The following ZDHHC19 variants were observed in gnomAD, a reference collection of about 807,000 sequenced individuals.
The protein encoded by ZDHHC19 is palmitoyltransferase ZDHHC19.
In ZDHHC19, 30 loss-of-function variants were observed where a neutral mutation model predicts 33.9. The ratio of observed to expected loss-of-function variants is 0.88; its 90% CI spans 0.66 to 1.20. The LOEUF (loss-of-function observed/expected upper bound fraction) is 1.20, where lower values mean the gene tolerates loss of function less well. ZDHHC19 is among the 50% of genes most tolerant of loss of function. The pLI, the probability that ZDHHC19 is intolerant of heterozygous loss-of-function variation, is 0.00. For synonymous variants in ZDHHC19, 178 were observed against 167.6 expected, an observed-to-expected ratio of 1.06 and a Z score of -0.48; for missense variants, 364 against 401.1, an observed-to-expected ratio of 0.91 and a Z score of 0.79.
intron 5 of ZDHHC19, among the ~76,000 whole-genome samples, chr3:196,206,659 T>TTTTTC (rs1262850828): frequency 3.6e-4 from 53 of 146,852 alleles, no homozygotes; most frequent in South Asian, 2.8e-3. Context: ...AGCTTGGAAC[T>TTTTTC]TTTTCTTTTC....
Position 196,198,400 on chromosome 3 carries a change from T to C in ZDHHC19, c.825A>G (p.Thr275=). The C allele has an allele frequency of 6.5e-7, 1 of 1,544,188 alleles. No homozygotes were observed. The highest frequency in any genetic ancestry group is 2.3e-5 in the East Asian group (1 of 44,186). Residue 275 remains threonine, a synonymous_variant, in exon 7 of 8, where the codon ACA becomes ACG. Coordinates refer to ENST00000296326, the MANE Select transcript of ZDHHC19 (RefSeq NM_001039617.2). ...TTGGAGGGTGCAGATTCGGCATGGA[T>C]GTCCAGTCAGGCCCCACCACTCTCT... ...QLQRVVGPDW[T]SMPNLHPPMS...
At chr3:196,208,304 G>GC in intron 4 of ZDHHC19, 84 bp downstream of exon 4, 182 of 1,294,122 alleles carry the variant, frequency 1.4e-4, no homozygotes, top group Middle Eastern at 3.1e-4. Context: ...TCTCCCTCTA[G>GC]CCCCGCCCCC....
At position 196,209,530 on chromosome 3, in the gene ZDHHC19, G is replaced by A. The variant is rs1265616101; in HGVS notation, c.269-15C>T. On this transcript the variant is annotated splice_polypyrimidine_tract_variant and intron_variant, in intron 2 of 7. Transcript: ENST00000296326. Reference sequence around the variant, plus strand: ...CTCAGCGGAGCCTGGCGTGGGAAGAGGATTGGGCACAGCAGAAGGCCCTGC... The same window carrying A: ...CTCAGCGGAGCCTGGCGTGGGAAGAAGATTGGGCACAGCAGAAGGCCCTGC... The A allele has an allele frequency of 2.5e-6, 4 of 1,611,732 alleles. No individual in the cohort carries two copies. Among genetic ancestry groups the A allele is most frequent in the South Asian group, 2.2e-5 (2 of 90,716 alleles).
In ZDHHC19 at chr3:196,198,306, C is replaced by T. The variant is rs74579410; in HGVS notation, c.919G>A (p.Gly307Arg). The T allele has an allele frequency of 6.0e-3, 9,058 of 1,504,116 alleles. 380 individuals are homozygous for T. The South Asian group carries it at 0.084, about 14-fold the overall frequency. 93.2% of individuals were successfully genotyped at this position (1,504,116 alleles called of 1,614,324 possible). The change falls in exon 7 of 8, where the codon GGG (glycine) becomes AGG (arginine). Residue 307 changes from glycine (G) to arginine (R), a missense_variant. Gly to Arg is a moderately radical substitution (Grantham distance 125). Transcript: ENST00000296326. The stretch of plus-strand genomic sequence containing the variant: ...GGAGAGCTGCAGCCTCACCACGCCC[C>T]GGGGGTCCCTTCCCTGCTTTGTAGG... ...GSLQSREGTP[G>R]AW
intron 2 of ZDHHC19, 110 bp from the exon 3 acceptor site, chr3:196,209,625 G>A (rs1401239028): frequency 7.0e-6 from 10 of 1,422,206 alleles, no homozygotes; most frequent in Non-Finnish European, 9.5e-6. Context: ...AAGGTGGGCA[G>A]GGGAACCCCT....
At chr3:196,210,768 AG>A (rs1351496337) in intron 1 of ZDHHC19, 31 bp from the exon 2 acceptor site, 3 of 1,607,346 alleles carry the variant, frequency 1.9e-6, no homozygotes, top group Non-Finnish European at 2.5e-6. Flanking sequence ...GGTCCTGAGC[AG>A]GGGCAGCCCA....
In ZDHHC19 at chr3:196,207,491, G is replaced by A. The variant is rs778971175; in HGVS notation, c.594C>T (p.Ala198=). ...STDKAIAIVV[A]VSAAGLLVPL... ...GCACCAGGAGGCCCGCGGCGGACAC[G>A]GCCACCACGATGCTGCGCGGGTTAA... The change falls in exon 5 of 8, where the codon GCC becomes GCT. Residue 198 remains alanine (A), a synonymous_variant. Coordinates refer to ENST00000296326, the MANE Select transcript of ZDHHC19 (RefSeq NM_001039617.2). 3 of 1,562,064 alleles carry A rather than the reference G, an allele frequency of 1.9e-6. No homozygotes were observed. Among genetic ancestry groups the A allele is most frequent in the East Asian group, 2.4e-5 (1 of 41,802 alleles).
In ZDHHC19 at chr3:196,210,629, G is replaced by A; in HGVS notation, c.255C>T (p.Gly85=). 1.2e-6 allele frequency: 2 copies of A among 1,614,082 alleles called. No individual in the cohort carries two copies. Among genetic ancestry groups the A allele is most frequent in the Non-Finnish European group, 1.7e-6 (2 of 1,179,978 alleles). Residue 85 remains glycine, a synonymous_variant, in exon 2 of 8, where the codon GGC becomes GGT. Transcript: ENST00000296326. ...SLVSLNFSDP[G]ILHQGSAEQG... is the part of the protein sequence containing the mutation. Reference sequence around the variant, plus strand: ...CTGATGCCTCACCTTGATGTAAGATGCCAGGGTCTGAGAAGTTGAGTGAAA... The same window carrying A: ...CTGATGCCTCACCTTGATGTAAGATACCAGGGTCTGAGAAGTTGAGTGAAA...
At chr3:196,200,546 G>T (rs71323705) in intron 5 of ZDHHC19, among the ~76,000 whole-genome samples, 4 of 149,432 alleles carry the variant, frequency 2.7e-5, no homozygotes, top group African/African-American at 7.5e-5. Context: ...AGTAGAGACG[G>T]GGTTTCACCG....
In ZDHHC19 at chr3:196,198,859, C is replaced by T. The variant is rs192831614; in HGVS notation, c.703G>A (p.Gly235Arg). The T allele has an allele frequency of 8.1e-6, 13 of 1,613,980 alleles. No homozygotes were observed. The highest frequency in any genetic ancestry group is 1.7e-4 in the Middle Eastern group (1 of 6,046). The stretch of plus-strand genomic sequence containing the variant: ...CAGCCCTGGTCGAAGGGGTTGTATC[C>T]CTGAAGGTGTCTGCACTGGTCGGGG... ...TYKGKCRHLQ[G>R]YNPFDQGCAS... Residue 235 changes from glycine to arginine, a missense_variant, in exon 6 of 8, where the codon GGA (glycine) becomes AGA (arginine). Transcript: ENST00000296326.
At chr3:196,207,240 G>A (rs530300292) in intron 5 of ZDHHC19, among the ~76,000 whole-genome samples, 158 bp downstream of exon 5, 1 of 152,352 alleles carries the variant, frequency 6.6e-6, no homozygotes, top group Admixed American at 6.5e-5. Flanking sequence ...GCTCCCGGAG[G>A]AGGCGAGATT....
At position 196,210,259 on chromosome 3, in the gene ZDHHC19, G is replaced by GA. The variant is rs1318914409; in HGVS notation, c.268+356dup. On this transcript the variant is annotated intron_variant, in intron 2 of 7. Transcript: ENST00000296326. ...AAGGAAAGAAAGAAAGAAAAAGAAA[G>GA]AAAGAAAAGAGAAAGAAAGAAAGAA... 3.6e-4 allele frequency among the ~76,000 whole-genome samples: 40 copies of GA among 112,608 alleles called. No homozygotes were observed. The South Asian group carries it at 3.9e-3, about 11-fold the overall frequency. The allele number at this position is 112,608 out of a possible 152,430, so 73.9% of individuals were successfully genotyped here. A position where few individuals can be genotyped will look rare whatever the true frequency, so the allele number is the denominator to read the frequency against.
Position 196,208,511 on chromosome 3 carries a change from T to C in ZDHHC19, c.458A>G (p.Asn153Ser), listed in dbSNP as rs1198430348. The C allele has an allele frequency of 1.2e-6, 2 of 1,614,158 alleles. No individual in the cohort carries two copies. The highest frequency in any genetic ancestry group is 1.7e-6 in the Non-Finnish European group (2 of 1,180,004). The change falls in exon 4 of 8, where the codon AAC (asparagine) becomes AGC (serine). Residue 153 changes from asparagine to serine, a missense_variant. Asn to Ser is a conservative substitution (Grantham distance 46, BLOSUM62 1). Coordinates refer to ENST00000296326, the MANE Select transcript of ZDHHC19 (RefSeq NM_001039617.2). Reference sequence around the variant, plus strand: ...GACAAGCAGCATGAAGAAGCGGAAGTTGCGGTGACCGATGCAGTTATTGAC... The same window carrying C: ...GACAAGCAGCATGAAGAAGCGGAAGCTGCGGTGACCGATGCAGTTATTGAC... ...KWVNNCIGHR[N>S]FRFFMLLVLS...
Position 196,200,413 on chromosome 3 carries a change from G to C in ZDHHC19, c.688-1539C>G, listed in dbSNP as rs1232561820. Among the ~76,000 whole-genome samples the C allele has an allele frequency of 8.3e-5, 12 of 143,772 alleles. No individual in the cohort carries two copies. The East Asian group carries it at 2.5e-3, about 30-fold the overall frequency. 94.3% of individuals were successfully genotyped at this position (143,772 alleles called of 152,430 possible). ...TCTGTCACCCAGGCTGGAGTGCAGT[G>C]GCGCGATCTCAGCTCACTGCAAGCT... On this transcript the variant is annotated intron_variant, in intron 5 of 7. Transcript: ENST00000296326.
intron 5 of ZDHHC19, among the ~76,000 whole-genome samples, chr3:196,202,622 G>A (rs533844679): frequency 1.3e-5 from 2 of 152,220 alleles, no homozygotes; most frequent in Non-Finnish European, 2.9e-5. Flanking sequence ...GAGGAGCCGC[G>A]CAGGAGGCCA....
intron 3 of ZDHHC19, 119 bp downstream of exon 3, chr3:196,209,257 T>C: frequency 3.6e-6 from 5 of 1,386,704 alleles, no homozygotes; most frequent in Non-Finnish European, 4.8e-6. Flanking sequence ...ACTGCCACCC[T>C]TGGCCTTTAG....
intron 5 of ZDHHC19, among the ~76,000 whole-genome samples, chr3:196,199,900 A>T (rs368365020): frequency 1.3e-5 from 2 of 152,034 alleles, no homozygotes; most frequent in Middle Eastern, 3.4e-3. Context: ...AGCCGAGATC[A>T]TGCCACTGCA....
intron 5 of ZDHHC19, among the ~76,000 whole-genome samples, chr3:196,200,946 G>A (rs915837060): frequency 3.3e-5 from 5 of 151,670 alleles, no homozygotes; most frequent in African/African-American, 7.3e-5. Flanking sequence ...CACTGTACCC[G>A]GCATTAGGGA....
In ZDHHC19 at chr3:196,208,391, A is replaced by T; in HGVS notation, c.578T>A (p.Ile193Asn). 6.2e-7 allele frequency: 1 copy of T among 1,608,374 alleles called. No individual in the cohort carries two copies. The highest frequency in any genetic ancestry group is 1.3e-5 in the African/African-American group (1 of 74,822). ...GCTTCCCCACGTGGGCGGATACGCGATGGCCTTGTCGGTGGAGAAGGGCAG... is the reference window on the plus strand; with the variant it reads ...GCTTCCCCACGTGGGCGGATACGCGTTGGCCTTGTCGGTGGAGAAGGGCAG... ...THLPFSTDKA[I>N]AIVVAVSAAG... Residue 193 changes from isoleucine (I) to asparagine (N), a missense_variant, in exon 4 of 8, where the codon ATC becomes AAC. By Grantham distance (149) the Ile-to-Asn change is moderately radical. Transcript: ENST00000296326.
Sources: gnomAD v4.1 joint callset for allele counts (sites outside exome capture counted in the v4.1 genomes callset) on GRCh38, gnomAD v4.1.1 for gene constraint, MANE v1.5 for transcripts, NCBI Gene and HGNC (gene_info 2026-07-23, HGNC 2026-07-21) for gene names.